COG3: variants seen among roughly 807,000 people sequenced by gnomAD.
COG3 encodes conserved oligomeric Golgi complex subunit 3.
COG3 carries 32 observed loss-of-function variants against 114.1 expected under a neutral mutation model. The ratio of observed to expected loss-of-function variants is 0.28; its 90% CI spans 0.21 to 0.38. The LOEUF is 0.38. COG3 is among the 10% of genes least tolerant of loss of function. COG3 has a pLI of 1.00. For missense variants in COG3, 813 were observed against 973.2 expected, an observed-to-expected ratio of 0.84 and a Z score of 2.19; for synonymous variants, 352 against 365.7, an observed-to-expected ratio of 0.96 and a Z score of 0.43.
intron 8 of COG3, 28 bp downstream of exon 8, chr13:45,486,603 T>A: frequency 1.5e-6 from 2 of 1,371,282 alleles, no homozygotes; most frequent in Non-Finnish European, 2.1e-6. Flanking sequence ...ACTAGGACAT[T>A]GCTATGAAAT....
intron 6 of COG3, 79 bp downstream of exon 6, chr13:45,482,552 C>T (rs1886316411): frequency 1.5e-6 from 1 of 679,776 alleles, no homozygotes; most frequent in African/African-American, 1.9e-5. Flanking sequence ...TGTTTTTCAA[C>T]TTTTCTGTGT....
chr13:45,488,797 G>A (rs1184526662), intron 8 of COG3, among the ~76,000 whole-genome samples: 1 of 151,856 alleles, frequency 6.6e-6, no homozygotes, highest in Non-Finnish European at 1.5e-5. Context: ...TGAAGCTGGT[G>A]CATATATATT....
rs114057282 is a variant in COG3, at chr13:45,505,790, C to T, written c.1594+2441C>T. ...TTCTTTTTTAATAGACATGGAGTCTCGCTATGTTGCCCAGGATGGGTCTTG... is the reference window on the plus strand; with the variant it reads ...TTCTTTTTTAATAGACATGGAGTCTTGCTATGTTGCCCAGGATGGGTCTTG... On this transcript the variant is annotated intron_variant, in intron 14 of 22. Coordinates refer to ENST00000349995, the MANE Select transcript of COG3 (RefSeq NM_031431.4). 9.3e-3 allele frequency among the ~76,000 whole-genome samples: 1,410 copies of T among 152,044 alleles called. 22 individuals carry two copies. Among genetic ancestry groups the T allele is most frequent in the African/African-American group, 0.031 (1,306 of 41,472 alleles).
At chr13:45,469,052 A>C (rs1885315159) in intron 1 of COG3, among the ~76,000 whole-genome samples, 1 of 152,232 alleles carries the variant, frequency 6.6e-6, no homozygotes, top group South Asian at 2.1e-4. Context: ...TGTTTGAAGT[A>C]ATTGCATTAT....
intron 13 of COG3, among the ~76,000 whole-genome samples, chr13:45,499,214 A>G (rs181990700): frequency 1.3e-5 from 2 of 152,266 alleles, no homozygotes; most frequent in East Asian, 1.9e-4. Flanking sequence ...CCAGTCTCAC[A>G]GAAGAAACCC....
At chr13:45,512,197 A>G (rs1566265107) in intron 16 of COG3, among the ~76,000 whole-genome samples, 2 of 152,190 alleles carry the variant, frequency 1.3e-5, no homozygotes, top group African/African-American at 2.4e-5. Flanking sequence ...ATTTATAATC[A>G]TCTCTCTCTA....
intron 1 of COG3, among the ~76,000 whole-genome samples, chr13:45,467,925 A>G (rs1012970429): frequency 6.6e-6 from 1 of 152,244 alleles, no homozygotes; most frequent in African/African-American, 2.4e-5. Context: ...ACTCTTAAGT[A>G]CATATCATAA....
chr13:45,507,936 G>T (rs1870353672), intron 14 of COG3, among the ~76,000 whole-genome samples: 2 of 151,352 alleles, frequency 1.3e-5, no homozygotes, highest in Admixed American at 6.6e-5. Flanking sequence ...GGGTGTGGTG[G>T]CATGAGCCTG....
intron 19 of COG3, among the ~76,000 whole-genome samples, chr13:45,519,678 T>TC (rs1423168425): frequency 1.3e-5 from 2 of 152,208 alleles, no homozygotes; most frequent in African/African-American, 4.8e-5. Context: ...AATTTTTTTT[T>TC]CCTCATCAAC....
intron 6 of COG3, among the ~76,000 whole-genome samples, chr13:45,482,682 A>G (rs1224084486): frequency 6.6e-6 from 1 of 152,234 alleles, no homozygotes; most frequent in East Asian, 1.9e-4. Context: ...AGTCGTTATT[A>G]GCAGTGGTGT....
At chr13:45,516,849 AAT>A (rs1286062402) in intron 17 of COG3, among the ~76,000 whole-genome samples, 3 of 152,178 alleles carry the variant, frequency 2.0e-5, no homozygotes, top group Non-Finnish European at 4.4e-5. Flanking sequence ...AAGGAATGAA[AAT>A]ATATGTTAAC....
chr13:45,512,689 A>G (rs1871000337), intron 16 of COG3, among the ~76,000 whole-genome samples: 1 of 151,058 alleles, frequency 6.6e-6, no homozygotes, highest in Admixed American at 6.6e-5. Flanking sequence ...GTGCAGTGGT[A>G]TGATCTCTGT....
chr13:45,474,920 C>T (rs771460294), intron 1 of COG3, among the ~76,000 whole-genome samples: 8 of 145,472 alleles, frequency 5.5e-5, no homozygotes, highest in Non-Finnish European at 9.0e-5. Context: ...CCAGCATCTA[C>T]TTTCCCTTTG....
chr13:45,466,918 A>C (rs1009247072), intron 1 of COG3, among the ~76,000 whole-genome samples: 9 of 152,202 alleles, frequency 5.9e-5, no homozygotes, highest in African/African-American at 2.2e-4. Flanking sequence ...GAAGATAGAA[A>C]GATAAATAGG....
At chr13:45,484,707 G>A (rs1451960869) in intron 7 of COG3, among the ~76,000 whole-genome samples, 3 of 141,244 alleles carry the variant, frequency 2.1e-5, no homozygotes, top group African/African-American at 7.9e-5. Context: ...ATAAACAAGT[G>A]AACAAAGGTC....
At chr13:45,520,321 AG>A (rs1235333601) in intron 19 of COG3, among the ~76,000 whole-genome samples, 4 of 45,400 alleles carry the variant, frequency 8.8e-5, no homozygotes, top group African/African-American at 2.9e-4. Context: ...AAATAAAAAA[AG>A]AGAAAGAAAG....
rs1868744880 is a variant in COG3 at position 45,496,183 on chromosome 13, C to G, written c.1359C>G (p.Val453=). 2 of 1,610,284 alleles carry G rather than the reference C, an allele frequency of 1.2e-6. No homozygotes were observed. The highest frequency in any genetic ancestry group is 2.2e-5 in the South Asian group (2 of 90,772). ...AEQLGAFAAG[V]KQMLEDVQER... is the part of the protein sequence containing the mutation. ...AACTGGGGGCATTTGCAGCTGGAGTCAAGCAGATGTTAGAAGATGTACAGG... is the reference window on the plus strand; with the variant it reads ...AACTGGGGGCATTTGCAGCTGGAGTGAAGCAGATGTTAGAAGATGTACAGG... The change falls in exon 13 of 23, where the codon GTC becomes GTG. Residue 453 remains valine, a synonymous_variant. Coordinates refer to ENST00000349995, the MANE Select transcript of COG3 (RefSeq NM_031431.4).
At chr13:45,513,400 C>CATATAAATCATAT (rs1555298574) in intron 16 of COG3, among the ~76,000 whole-genome samples, 1 of 35,118 alleles carries the variant, frequency 2.8e-5, no homozygotes, top group Non-Finnish European at 4.9e-5. Context: ...ATAAATTATA[C>CATATAAATCATAT]ATATAATATA....
intron 8 of COG3, among the ~76,000 whole-genome samples, chr13:45,487,798 G>A (rs1261023811): frequency 6.6e-6 from 1 of 152,146 alleles, no homozygotes; most frequent in East Asian, 1.9e-4. Flanking sequence ...ATGTAAATTA[G>A]TACAGCTGTT....
Sources: gnomAD v4.1 joint callset for allele counts (sites outside exome capture counted in the v4.1 genomes callset) on GRCh38, gnomAD v4.1.1 for gene constraint, MANE v1.5 for transcripts, NCBI Gene and HGNC (gene_info 2026-07-23, HGNC 2026-07-21) for gene names.